SLC49A4: variants seen among roughly 807,000 people sequenced by gnomAD.
The protein encoded by SLC49A4 is disrupted in renal cancer protein 2.
A neutral mutation model predicts 50.6 loss-of-function variants in SLC49A4; 36 were observed. That is an observed-to-expected ratio of 0.71 (90% CI 0.55 to 0.94). SLC49A4 has a LOEUF of 0.94. Among genes scored for constraint, SLC49A4 ranks in the 40% least tolerant of loss-of-function variants. The pLI is 0.00. For missense variants in SLC49A4, 503 were observed against 605.7 expected (o/e 0.83, Z 1.78); for synonymous variants, 248 against 241.2 (o/e 1.03, Z -0.26).
At chr3:122,815,982 C>G (rs1343040455) in intron 2 of SLC49A4, among the ~76,000 whole-genome samples, 2 of 152,146 alleles carry the variant, frequency 1.3e-5, no homozygotes, top group Admixed American at 1.3e-4. Context: ...CAGGTAGGTT[C>G]CATGGAAATG....
intron 8 of SLC49A4, among the ~76,000 whole-genome samples, chr3:122,874,743 A>G (rs369450358): frequency 3.9e-5 from 6 of 152,326 alleles, no homozygotes; most frequent in East Asian, 3.9e-4. Context: ...ATAAATAATC[A>G]TTAATTTTAA....
chr3:122,835,369 C>T (rs1165256208), intron 4 of SLC49A4, among the ~76,000 whole-genome samples: 1 of 152,054 alleles, frequency 6.6e-6, no homozygotes, highest in Admixed American at 6.6e-5. Context: ...ATACAAAAAT[C>T]CTTAATAAAA....
rs1407067035 is a variant in SLC49A4 at position 122,826,715 on chromosome 3, A to T, written c.438-85A>T. 6.4e-6 allele frequency: 9 copies of T among 1,404,216 alleles called. No homozygotes were observed. The East Asian group carries it at 1.6e-4, about 25-fold the overall frequency. 87.0% of individuals were successfully genotyped at this position (1,404,216 alleles called of 1,614,324 possible). A position where few individuals can be genotyped will look rare whatever the true frequency, so the allele number is the denominator to read the frequency against. On this transcript the variant is annotated intron_variant, in intron 2 of 8. Coordinates refer to ENST00000261038, the MANE Select transcript of SLC49A4 (RefSeq NM_032839.3). ...GATATGTATACTTATTGCCATAGTT[A>T]AAAACTGCTGTTTGGCTCATTTCTT...
intron 3 of SLC49A4, among the ~76,000 whole-genome samples, chr3:122,829,731 GACAA>G (rs546716514): frequency 1.4e-4 from 21 of 152,126 alleles, no homozygotes; most frequent in East Asian, 3.9e-4. Context: ...CAGCCTGGGT[GACAA>G]ACAAACAAAC....
chr3:122,856,276 G>T (rs539580938), intron 5 of SLC49A4, 31 bp from the exon 6 acceptor site: 1 of 1,610,346 alleles, frequency 6.2e-7, no homozygotes, highest in Non-Finnish European at 8.5e-7. Flanking sequence ...TGATTGTCTT[G>T]TATTAAATGT....
At position 122,827,011 on chromosome 3, in the gene SLC49A4, G is replaced by T. The variant is rs1353401559; in HGVS notation, c.649G>T (p.Ala217Ser). Residue 217 changes from alanine (A) to serine (S), a missense_variant, in exon 3 of 9, where the codon GCA becomes TCA. By Grantham distance (99) the Ala-to-Ser change is moderately conservative. Coordinates refer to ENST00000261038, the MANE Select transcript of SLC49A4 (RefSeq NM_032839.3). Reference protein sequence around the residue: ...APNGTSPLLAAESSRAHIKDR... With the variant: ...APNGTSPLLASESSRAHIKDR... ...CAATGGGACATCACCTCTTCTTGCTGCAGAGAGCAGCAGGGCGCATATTAA... is the reference window on the plus strand; with the variant it reads ...CAATGGGACATCACCTCTTCTTGCTTCAGAGAGCAGCAGGGCGCATATTAA... 2 of 1,614,060 alleles carry T rather than the reference G, an allele frequency of 1.2e-6. No individual in the cohort carries two copies. The highest frequency in any genetic ancestry group is 1.7e-5 in the Admixed American group (1 of 60,002).
rs374955344 is a variant in SLC49A4 at position 122,795,069 on chromosome 3, G to C, written c.-124G>C. ...CGGGCCGCGCAGGCGCACCAGGCGC[G>C]GTCCGGAGGCCGAGGGCGACCACAG... is the stretch of plus-strand genomic sequence containing the variant. On this transcript the variant is annotated 5_prime_UTR_variant, in exon 1 of 9. Coordinates refer to ENST00000261038, the MANE Select transcript of SLC49A4 (RefSeq NM_032839.3). The C allele has an allele frequency of 2.6e-6, 3 of 1,146,348 alleles. No homozygotes were observed. Among genetic ancestry groups the C allele is most frequent in the Non-Finnish European group, 2.2e-6 (2 of 914,428 alleles). 71.0% of individuals were successfully genotyped at this position (1,146,348 alleles called of 1,614,324 possible). A position where few individuals can be genotyped will look rare whatever the true frequency, so the allele number is the denominator to read the frequency against.
chr3:122,797,880 C>A (rs561264919), intron 1 of SLC49A4, among the ~76,000 whole-genome samples: 1 of 152,248 alleles, frequency 6.6e-6, no homozygotes, highest in East Asian at 1.9e-4. Flanking sequence ...ACTGGGGAGG[C>A]TGAGGCTGGA....
Position 122,795,435 on chromosome 3 carries a change from G to A in SLC49A4, c.243G>A (p.Gln81=), listed in dbSNP as rs774665956. 1.2e-6 allele frequency: 2 copies of A among 1,608,180 alleles called. No homozygotes were observed. Among genetic ancestry groups the A allele is most frequent in the Admixed American group, 1.7e-5 (1 of 59,832 alleles). Residue 81 remains glutamine (Q), a synonymous_variant, in exon 1 of 9, where the codon CAG becomes CAA. Coordinates refer to ENST00000261038, the MANE Select transcript of SLC49A4 (RefSeq NM_032839.3). ...TWGPIQNSAR[Q]AYGFSSWDIA... ...GTCCCATCCAGAACTCGGCGCGCCA[G>A]GCCTACGGCTTCTCCAGCTGGGACA...
At chr3:122,875,433 G>A (rs551072288) in intron 8 of SLC49A4, among the ~76,000 whole-genome samples, 32 of 152,126 alleles carry the variant, frequency 2.1e-4, no homozygotes, top group South Asian at 4.1e-4. Flanking sequence ...TCACTGCAAC[G>A]TTGGCCTCCC....
At chr3:122,869,229 C>CT (rs1252785374) in intron 7 of SLC49A4, among the ~76,000 whole-genome samples, 1 of 152,094 alleles carries the variant, frequency 6.6e-6, no homozygotes, top group East Asian at 1.9e-4. Flanking sequence ...TGTGACCCCC[C>CT]CCAGTTTTCC....
intron 7 of SLC49A4, among the ~76,000 whole-genome samples, chr3:122,868,329 A>T (rs1324417362): frequency 1.3e-5 from 2 of 152,116 alleles, no homozygotes; most frequent in Non-Finnish European, 2.9e-5. Flanking sequence ...TTAGCTTTTT[A>T]TTAGAAAAAA....
intron 5 of SLC49A4, among the ~76,000 whole-genome samples, chr3:122,852,496 A>G (rs1383742646): frequency 1.3e-5 from 2 of 152,256 alleles, no homozygotes; most frequent in Non-Finnish European, 1.5e-5. Flanking sequence ...AGTGCTAGAC[A>G]TAGTACATGA....
chr3:122,830,219 G>T (rs1264384877), intron 3 of SLC49A4, among the ~76,000 whole-genome samples: 5 of 152,176 alleles, frequency 3.3e-5, no homozygotes, highest in Non-Finnish European at 5.9e-5. Context: ...ATGTTGGGAG[G>T]TTTAATATTG....
At chr3:122,849,718 T>C (rs886492968) in intron 5 of SLC49A4, among the ~76,000 whole-genome samples, 1 of 152,108 alleles carries the variant, frequency 6.6e-6, no homozygotes, top group African/African-American at 2.4e-5. Context: ...TATAGATAGA[T>C]AGTGGTTCTT....
chr3:122,824,727 C>CTT (rs200932046), intron 2 of SLC49A4, among the ~76,000 whole-genome samples: 20 of 82,704 alleles, frequency 2.4e-4, no homozygotes, highest in East Asian at 8.2e-4. Context: ...TTTTTTTTTC[C>CTT]TTCTTTTTTT....
At chr3:122,804,345 A>T (rs1319879114) in intron 1 of SLC49A4, among the ~76,000 whole-genome samples, 2 of 152,234 alleles carry the variant, frequency 1.3e-5, no homozygotes, top group Non-Finnish European at 2.9e-5. Flanking sequence ...CCTATGATCC[A>T]AACACCTCCC....
chr3:122,828,023 C>T (rs1188165177), intron 3 of SLC49A4, among the ~76,000 whole-genome samples: 1 of 152,118 alleles, frequency 6.6e-6, no homozygotes, highest in Non-Finnish European at 1.5e-5. Flanking sequence ...TTGAGTATGG[C>T]TGGAGTGGTG....
intron 2 of SLC49A4, among the ~76,000 whole-genome samples, chr3:122,809,107 G>T (rs1325295100): frequency 1.3e-5 from 2 of 152,164 alleles, no homozygotes; most frequent in Non-Finnish European, 2.9e-5. Flanking sequence ...TCAGGGACAA[G>T]ATGTTGACTT....
Sources: gnomAD v4.1 joint callset for allele counts (sites outside exome capture counted in the v4.1 genomes callset) on GRCh38, gnomAD v4.1.1 for gene constraint, MANE v1.5 for transcripts, NCBI Gene and HGNC (gene_info 2026-07-23, HGNC 2026-07-21) for gene names.